The following ART3 variants were observed in gnomAD, a reference collection of about 807,000 sequenced individuals.
ART3 encodes ADP-ribosyltransferase 3 (inactive).
A neutral mutation model predicts 48.5 loss-of-function variants in ART3; 49 were observed. The ratio of observed to expected loss-of-function variants is 1.01; its 90% CI spans 0.80 to 1.28. The LOEUF (loss-of-function observed/expected upper bound fraction) is 1.28. ART3 is among the 50% of genes most tolerant of loss of function. The probability of loss-of-function intolerance (pLI) is 0.00; values close to 1 mark genes in which losing one functional copy is unlikely to be tolerated. For synonymous variants in ART3, 145 were observed against 157.2 expected (o/e 0.92, Z 0.58); for missense variants, 438 against 454.3 (o/e 0.96, Z 0.33).
At chr4:76,043,630 A>G (rs1366880852) in intron 1 of ART3, among the ~76,000 whole-genome samples, 2 of 151,926 alleles carry the variant, frequency 1.3e-5, no homozygotes, top group Non-Finnish European at 2.9e-5. Flanking sequence ...CTGGCCCACA[A>G]GCGCTGTGCG....
intron 1 of ART3, among the ~76,000 whole-genome samples, chr4:76,032,888 A>AT (rs1458717101): frequency 6.6e-6 from 1 of 152,000 alleles, no homozygotes; most frequent in Non-Finnish European, 1.5e-5. Context: ...ACCCAGCCAG[A>AT]TTCAGGTCTT....
At chr4:76,065,870 C>G (rs887393763) in intron 1 of ART3, among the ~76,000 whole-genome samples, 1 of 151,948 alleles carries the variant, frequency 6.6e-6, no homozygotes, top group African/African-American at 2.4e-5. Flanking sequence ...GTTTCATTCC[C>G]TTTATAAAGT....
At chr4:76,079,270 G>C (rs1721904630) in intron 2 of ART3, among the ~76,000 whole-genome samples, 2 of 151,858 alleles carry the variant, frequency 1.3e-5, no homozygotes, top group Non-Finnish European at 2.9e-5. Context: ...AAGAACTCTG[G>C]AGATGTTTGT....
intron 10 of ART3, chr4:76,105,792 A>G (rs898412998): frequency 4.1e-6 from 4 of 985,280 alleles, no homozygotes; most frequent in Admixed American, 1.2e-4. Flanking sequence ...TTAAACTGGA[A>G]CAGTTGGCTT....
At chr4:76,068,170 T>C (rs1719928911) in intron 1 of ART3, among the ~76,000 whole-genome samples, 1 of 152,188 alleles carries the variant, frequency 6.6e-6, no homozygotes, top group Non-Finnish European at 1.5e-5. Context: ...CTTATTTAGG[T>C]ATGACTTATG....
At chr4:76,095,457 G>A (rs1339475357) in intron 3 of ART3, among the ~76,000 whole-genome samples, 2 of 152,150 alleles carry the variant, frequency 1.3e-5, no homozygotes, top group East Asian at 3.9e-4. Context: ...GCAGTGAGCC[G>A]AGATCGTGCC....
At chr4:76,062,271 C>A (rs1301493373) in intron 1 of ART3, among the ~76,000 whole-genome samples, 3 of 152,120 alleles carry the variant, frequency 2.0e-5, no homozygotes, top group Admixed American at 2.0e-4. Flanking sequence ...CATTAAGTAT[C>A]TTTAGTTTTC....
rs116347239 is a variant in ART3, at chr4:76,097,456, A to G, written c.782-188A>G. ...TCCTGGGCTGAAGCGATCCTCCTGC[A>G]TCAGCCTTTCGAAATGCTGGGGTTA... is the stretch of plus-strand genomic sequence containing the variant. On this transcript the variant is annotated intron_variant, in intron 3 of 11. Coordinates refer to ENST00000355810, the MANE Select transcript of ART3 (RefSeq NM_001130016.3). 4.8e-3 allele frequency among the ~76,000 whole-genome samples: 725 copies of G among 152,178 alleles called. 6 individuals are homozygous for G. Among genetic ancestry groups the G allele is most frequent in the African/African-American group, 0.017 (695 of 41,528 alleles).
At chr4:76,097,733 T>C in intron 4 of ART3, 57 bp downstream of exon 4, 1 of 1,410,306 alleles carries the variant, frequency 7.1e-7, no homozygotes, top group Non-Finnish European at 1.0e-6. Flanking sequence ...TTACTTCTCA[T>C]AGCTATGGGT....
chr4:76,109,473 G>T (rs889228660), intron 11 of ART3, among the ~76,000 whole-genome samples: 1 of 152,024 alleles, frequency 6.6e-6, no homozygotes, highest in Non-Finnish European at 1.5e-5. Flanking sequence ...TATAGTTAAC[G>T]TTTTTTAATA....
intron 3 of ART3, among the ~76,000 whole-genome samples, chr4:76,093,837 G>A (rs765227646): frequency 4.0e-5 from 6 of 151,860 alleles, no homozygotes; most frequent in African/African-American, 1.5e-4. Context: ...TATTTTCCAC[G>A]TCTCTACTTA....
chr4:76,104,894 GA>G (rs1333849771), intron 10 of ART3, among the ~76,000 whole-genome samples: 1 of 152,090 alleles, frequency 6.6e-6, no homozygotes, highest in Non-Finnish European at 1.5e-5. Context: ...TGTTATTATG[GA>G]AATGATGATC....
Position 76,020,483 on chromosome 4 carries a change from C to G in ART3, c.-10+9163C>G, listed in dbSNP as rs190424813. ...CAACTAAATGTATTGTGAAGATCTTCTTAGTAAGTAATTGGATGTGGGAGG... is the reference window on the plus strand; with the variant it reads ...CAACTAAATGTATTGTGAAGATCTTGTTAGTAAGTAATTGGATGTGGGAGG... On this transcript the variant is annotated intron_variant, in intron 1 of 9. Transcript: ENST00000341029. Among the ~76,000 whole-genome samples the G allele has an allele frequency of 2.6e-5, 4 of 152,138 alleles. No homozygotes were observed. In the East Asian group the frequency reaches 5.8e-4, roughly 22 times the overall value.
chr4:76,091,084 A>G (rs1376578319), intron 3 of ART3, among the ~76,000 whole-genome samples: 3 of 152,220 alleles, frequency 2.0e-5, no homozygotes, highest in East Asian at 1.9e-4. Flanking sequence ...GCATGTATCA[A>G]TAGTTTATTT....
intron 4 of ART3, among the ~76,000 whole-genome samples, chr4:76,098,157 C>T (rs1430906763): frequency 6.8e-6 from 1 of 147,140 alleles, no homozygotes; most frequent in African/African-American, 2.5e-5. Context: ...AAGGGTAATG[C>T]GGTAGATTTT....
chr4:76,089,494 G>A (rs1724351920), intron 3 of ART3, among the ~76,000 whole-genome samples: 1 of 152,152 alleles, frequency 6.6e-6, no homozygotes. Context: ...CTCTGGCCAT[G>A]TAAGACGAGC....
At chr4:76,049,231 C>T (rs1735799507) in intron 1 of ART3, among the ~76,000 whole-genome samples, 2 of 151,788 alleles carry the variant, frequency 1.3e-5, no homozygotes, top group African/African-American at 4.8e-5. Flanking sequence ...AGAAAAGCAC[C>T]AGGGACAGGT....
At chr4:76,102,008 T>G (rs1339801010) in intron 8 of ART3, among the ~76,000 whole-genome samples, 1 of 152,160 alleles carries the variant, frequency 6.6e-6, no homozygotes, top group Non-Finnish European at 1.5e-5. Flanking sequence ...AAGACAAAAT[T>G]ACAACAAATT....
intron 1 of ART3, among the ~76,000 whole-genome samples, chr4:76,018,100 A>G (rs1560574695): frequency 6.6e-6 from 1 of 152,266 alleles, no homozygotes; most frequent in Non-Finnish European, 1.5e-5. Flanking sequence ...AACTGGGTAT[A>G]TACCCAAACA....
Sources: allele counts gnomAD v4.1 joint callset (sites outside exome capture counted in the v4.1 genomes callset), GRCh38; gene constraint gnomAD v4.1.1; transcripts MANE v1.5; gene names NCBI Gene and HGNC (gene_info 2026-07-23, HGNC 2026-07-21).